The following ORC3 variants were observed in gnomAD, a reference collection of about 807,000 sequenced individuals.
ORC3 encodes the protein homolog of latheo, Drosophila.
A neutral mutation model predicts 100.7 loss-of-function variants in ORC3; 78 were observed. That is an observed-to-expected ratio of 0.77 (90% CI 0.65 to 0.94). The LOEUF (loss-of-function observed/expected upper bound fraction) is 0.94. Ranked by LOEUF, ORC3 falls within the 40% of genes least tolerant of loss-of-function variation. The pLI, the probability that ORC3 is intolerant of heterozygous loss-of-function variation, is 0.00. For missense variants in ORC3, 789 were observed against 823.9 expected, an observed-to-expected ratio of 0.96 and a Z score of 0.52; for synonymous variants, 295 against 289.3, an observed-to-expected ratio of 1.02 and a Z score of -0.20.
intron 11 of ORC3, among the ~76,000 whole-genome samples, chr6:87,631,907 A>T (rs530257502): frequency 6.1e-4 from 93 of 152,302 alleles, no homozygotes; most frequent in Non-Finnish European, 1.2e-3. Context: ...CGCAGTGTCT[A>T]ATCCCGACAC....
rs138854204 is a variant in ORC3 at position 87,646,266 on chromosome 6, G to A, written c.1383-6850G>A. 3.7e-4 allele frequency among the ~76,000 whole-genome samples: 56 copies of A among 152,190 alleles called. No homozygotes were observed. The East Asian group carries it at 9.5e-3, about 26-fold the overall frequency. On this transcript the variant is annotated intron_variant, in intron 13 of 19. Coordinates refer to ENST00000392844, the MANE Select transcript of ORC3 (RefSeq NM_012381.4). ...CTCCCAAAGTGCTGGGATTACAGGC[G>A]TGAGCTACCGTGCTCTGCCAATTGT...
intron 4 of ORC3, among the ~76,000 whole-genome samples, 180 bp downstream of exon 4, chr6:87,603,708 T>A (rs1166159347): frequency 1.3e-5 from 2 of 152,216 alleles, no homozygotes; most frequent in Admixed American, 1.3e-4. Context: ...AAAAATTCCT[T>A]ATCTTTACAG....
intron 2 of ORC3, among the ~76,000 whole-genome samples, chr6:87,596,449 T>TG (rs1554234108): frequency 2.5e-5 from 1 of 39,326 alleles, no homozygotes; most frequent in Non-Finnish European, 4.9e-5. Flanking sequence ...TTTTTTGTTG[T>TG]TTTTTTTTTT....
chr6:87,620,195 G>T (rs1779438643), intron 9 of ORC3, among the ~76,000 whole-genome samples: 3 of 152,102 alleles, frequency 2.0e-5, no homozygotes, highest in Non-Finnish European at 2.9e-5. Context: ...AAGCCCCTTA[G>T]CCTGTTTAGT....
chr6:87,595,552 T>A (rs2128243574), intron 2 of ORC3: 1 of 152,312 alleles, frequency 6.6e-6, no homozygotes, highest in South Asian at 2.1e-4. Context: ...TCACAATGGC[T>A]ACATATTTCC....
At chr6:87,675,973 T>TTAA in the ORC3 span, 8,892 of 1,537,186 alleles carry the variant, frequency 5.8e-3, 453 homozygotes, top group African/African-American at 0.11. Context: ...GTAAAATGCC[T>TTAA]TATTAGAGCC....
At chr6:87,669,948 A>G (rs1285234142), downstream of ORC3, among the ~76,000 whole-genome samples, 1 of 152,260 alleles carries the variant, frequency 6.6e-6, no homozygotes, top group Non-Finnish European at 1.5e-5. Flanking sequence ...ACACTCATAC[A>G]GCAAGATGCT....
At chr6:87,676,798 C>T in the ORC3 span, among the ~76,000 whole-genome samples, 1 of 148,950 alleles carries the variant, frequency 6.7e-6, no homozygotes, top group Admixed American at 6.7e-5. Flanking sequence ...AACAATTGGC[C>T]GGGCATGGTG....
At chr6:87,592,711 G>A (rs574218172) in intron 1 of ORC3, among the ~76,000 whole-genome samples, 3 of 152,244 alleles carry the variant, frequency 2.0e-5, no homozygotes, top group South Asian at 2.1e-4. Flanking sequence ...GTTGCACAGC[G>A]GTCTTTAACA....
At chr6:87,608,506 C>T (rs1265481873) in intron 6 of ORC3, among the ~76,000 whole-genome samples, 1 of 152,124 alleles carries the variant, frequency 6.6e-6, no homozygotes, top group Non-Finnish European at 1.5e-5. Context: ...CTGAAATCAT[C>T]GTAAGTGAAG....
At chr6:87,646,954 T>A (rs1212189044) in intron 13 of ORC3, among the ~76,000 whole-genome samples, 2 of 152,252 alleles carry the variant, frequency 1.3e-5, no homozygotes, top group Non-Finnish European at 2.9e-5. Context: ...TTCTGATTTT[T>A]CAAACCAGAA....
intron 2 of ORC3, 173 bp downstream of exon 2, chr6:87,594,580 A>G (rs754554836): frequency 1.1e-4 from 136 of 1,261,392 alleles, no homozygotes; most frequent in Non-Finnish European, 1.3e-4. Context: ...CCAGGGCTCT[A>G]ATTGAAAAGA....
At chr6:87,602,954 A>AATATATATATATATATAT (rs397935596) in intron 3 of ORC3, among the ~76,000 whole-genome samples, 1,511 of 94,214 alleles carry the variant, frequency 0.016, 51 homozygotes, top group African/African-American at 0.02. Flanking sequence ...ACACATATAT[A>AATATATATATATATATAT]ATATATATAT....
chr6:87,597,104 G>T (rs749088369), intron 2 of ORC3, among the ~76,000 whole-genome samples: 2 of 152,042 alleles, frequency 1.3e-5, no homozygotes, highest in African/African-American at 4.8e-5. Context: ...AATTTTTTCA[G>T]ATTTTGAAAT....
chr6:87,593,768 C>A (rs1027092938), intron 1 of ORC3, among the ~76,000 whole-genome samples: 1 of 152,254 alleles, frequency 6.6e-6, no homozygotes, highest in African/African-American at 2.4e-5. Flanking sequence ...ACGATCTCAG[C>A]CCACTGCAGC....
chr6:87,658,235 A>T (rs1769875777), intron 16 of ORC3, among the ~76,000 whole-genome samples: 1 of 152,142 alleles, frequency 6.6e-6, no homozygotes, highest in East Asian at 1.9e-4. Flanking sequence ...AGGCTGGTGG[A>T]TCACGAGGTC....
chr6:87,602,915 TA>T (rs55830655), intron 3 of ORC3, among the ~76,000 whole-genome samples: 8,084 of 51,058 alleles, frequency 0.16, 485 homozygotes, highest in African/African-American at 0.33. Flanking sequence ...TTATATATTA[TA>T]TATATATATA....
Position 87,667,422 on chromosome 6 carries a change from G to T in ORC3, c.*299G>T. On this transcript the variant is annotated 3_prime_UTR_variant, in exon 20 of 20. Coordinates refer to ENST00000392844, the MANE Select transcript of ORC3 (RefSeq NM_012381.4). ...ATTCTTGAACTTAGAGTATGTAAAT[G>T]TAATAAATTCCGTTATCCAGGAGTA... The T allele has an allele frequency of 4.0e-6, 1 of 250,930 alleles. No homozygotes were observed. The allele number at this position is 250,930 out of a possible 1,614,324, so 15.5% of individuals were successfully genotyped here. A position where few individuals can be genotyped will look rare whatever the true frequency, so the allele number is the denominator to read the frequency against.
Position 87,603,437 on chromosome 6 carries a change from G to A in ORC3, c.231G>A (p.Leu77=). 1 of 1,531,638 alleles carries A rather than the reference G, an allele frequency of 6.5e-7. No homozygotes were observed. The highest frequency in any genetic ancestry group is 2.3e-5 in the East Asian group (1 of 44,202). 94.9% of individuals were successfully genotyped at this position (1,531,638 alleles called of 1,614,324 possible). The change falls in exon 4 of 20, where the codon CTG becomes CTA. Residue 77 remains leucine, a synonymous_variant. Transcript: ENST00000392844. ...TGTTTGACAATCTGATTGAATTTCT[G>A]CAAAAATCACATTCTGGATTCCAGA... ...KNLFDNLIEF[L]QKSHSGFQKN... is the part of the protein sequence containing the mutation.
Sources: gnomAD v4.1 joint callset for allele counts (sites outside exome capture counted in the v4.1 genomes callset) on GRCh38, gnomAD v4.1.1 for gene constraint, MANE v1.5 for transcripts, NCBI Gene and HGNC (gene_info 2026-07-23, HGNC 2026-07-21) for gene names.